The following NIBAN2 variants were observed in gnomAD, a reference collection of about 807,000 sequenced individuals.
NIBAN2 encodes the protein protein Niban 2.
A neutral mutation model predicts 81.8 loss-of-function variants in NIBAN2; 36 were observed. That is an observed-to-expected ratio of 0.44 (90% confidence interval 0.34 to 0.58). The LOEUF (loss-of-function observed/expected upper bound fraction) is 0.58, where lower values mean the gene tolerates loss of function less well. Ranked by LOEUF, NIBAN2 falls within the 20% of genes least tolerant of loss-of-function variation. The pLI is 0.02. For synonymous variants in NIBAN2, 445 were observed against 441.6 expected (o/e 1.01, Z -0.10); for missense variants, 897 against 1,014.1 (o/e 0.88, Z 1.57).
rs1056448921 is a variant in NIBAN2 at position 127,545,320 on chromosome 9, C to T, written c.56-13542G>A. 1.3e-5 allele frequency among the ~76,000 whole-genome samples: 2 copies of T among 152,204 alleles called. No homozygotes were observed. The highest frequency in any genetic ancestry group is 1.3e-4 in the Admixed American group (2 of 15,288). ...CCACAGCCCCTGGCCTGCTCCCCGG[C>T]ACTCCCCTCAACCACAGTTAATGCC... On this transcript the variant is annotated intron_variant, in intron 1 of 13. Coordinates refer to ENST00000373312, the MANE Select transcript of NIBAN2 (RefSeq NM_022833.4). This position sits in a 1 kb window ranked among gnomAD's most constrained non-coding sequence, Gnocchi z 4.7.
intron 1 of NIBAN2, among the ~76,000 whole-genome samples, chr9:127,557,959 C>A (rs1174051426): frequency 6.6e-6 from 1 of 152,174 alleles, no homozygotes; most frequent in African/African-American, 2.4e-5. Flanking sequence ...ACACAGTGAG[C>A]TGTGACTGTC....
intron 1 of NIBAN2, among the ~76,000 whole-genome samples, chr9:127,554,059 G>A (rs185681813): frequency 9.2e-5 from 14 of 152,302 alleles, no homozygotes; most frequent in Admixed American, 9.2e-4. Flanking sequence ...CCATCTCTGG[G>A]CTAAACTACC....
chr9:127,521,970 G>A (rs533784715), intron 5 of NIBAN2, among the ~76,000 whole-genome samples: 4 of 152,320 alleles, frequency 2.6e-5, no homozygotes, highest in East Asian at 1.9e-4. Flanking sequence ...TCCCCACCTT[G>A]TTCTGTGCCC....
chr9:127,577,710 TTTTG>T (rs376947080), intron 1 of NIBAN2, among the ~76,000 whole-genome samples: 4 of 151,856 alleles, frequency 2.6e-5, no homozygotes, highest in African/African-American at 7.3e-5. Context: ...TGCTATATCT[TTTTG>T]TTTGTTTGTT....
At chr9:127,561,028 C>G in intron 1 of NIBAN2, 1 of 761,198 alleles carries the variant, frequency 1.3e-6, no homozygotes, top group Non-Finnish European at 1.6e-6. Context: ...GCTTACAAGT[C>G]TAGTTCTTGA....
Position 127,533,176 on chromosome 9 carries a change from G to A in NIBAN2, c.56-1398C>T, listed in dbSNP as rs376573837. Among the ~76,000 whole-genome samples, 47 of 151,800 alleles carry A rather than the reference G, an allele frequency of 3.1e-4. No individual in the cohort carries two copies. The East Asian group carries it at 7.8e-3, about 25-fold the overall frequency. Reference sequence around the variant, plus strand: ...CTATCTTAAAAAAACAAAACAAAAGGCTGGGCACGGTGGCTTAGGCCTGTA... The same window carrying A: ...CTATCTTAAAAAAACAAAACAAAAGACTGGGCACGGTGGCTTAGGCCTGTA... On this transcript the variant is annotated intron_variant, in intron 1 of 13. Coordinates refer to ENST00000373312, the MANE Select transcript of NIBAN2 (RefSeq NM_022833.4).
rs1016193039 is a variant in NIBAN2, at chr9:127,506,734, C to T, written c.*111G>A. ...TCCCTGGCGGTGCCACACAGCCCTG[C>T]CCCGCCTCCACCCACAAGGCACAGA... is the stretch of plus-strand genomic sequence containing the variant. On this transcript the variant is annotated 3_prime_UTR_variant, in exon 14 of 14. Transcript: ENST00000373312. 3 of 1,002,324 alleles carry T rather than the reference C, an allele frequency of 3.0e-6. No homozygotes were observed. Among genetic ancestry groups the T allele is most frequent in the Admixed American group, 5.9e-5 (2 of 34,052 alleles). The allele number at this position is 1,002,324 out of a possible 1,614,324, so 62.1% of individuals were successfully genotyped here. A position where few individuals can be genotyped will look rare whatever the true frequency, so the allele number is the denominator to read the frequency against.
At chr9:127,561,005 G>C in intron 1 of NIBAN2, 4 of 573,086 alleles carry the variant, frequency 7.0e-6, no homozygotes, top group Non-Finnish European at 8.8e-6. Context: ...TGGTCAATGG[G>C]ACCAGGCTTA....
At chr9:127,525,643 A>G (rs1225226821) in intron 3 of NIBAN2, among the ~76,000 whole-genome samples, 1 of 152,074 alleles carries the variant, frequency 6.6e-6, no homozygotes, top group Non-Finnish European at 1.5e-5. Context: ...TACTGCTGCT[A>G]TTGCCTCTGT....
chr9:127,527,367 G>A (rs374414002), intron 2 of NIBAN2, 45 bp from the exon 3 acceptor site: 20 of 1,567,634 alleles, frequency 1.3e-5, no homozygotes, highest in South Asian at 2.2e-5. Context: ...GTCTGGGGGG[G>A]TGGTGCTCCC....
intron 9 of NIBAN2, 57 bp downstream of exon 9, chr9:127,510,089 G>A: frequency 6.6e-7 from 1 of 1,515,162 alleles, no homozygotes; most frequent in East Asian, 2.3e-5. Flanking sequence ...GGGGCCCTCT[G>A]GGACAGACCA....
At chr9:127,538,733 T>C (rs751267348) in intron 1 of NIBAN2, among the ~76,000 whole-genome samples, 2 of 150,360 alleles carry the variant, frequency 1.3e-5, no homozygotes, top group Non-Finnish European at 3.0e-5. Context: ...TCACTTGAGG[T>C]CAGGAGTTTG....
intron 1 of NIBAN2, among the ~76,000 whole-genome samples, chr9:127,550,824 GA>G (rs1295868935): frequency 2.0e-5 from 3 of 152,206 alleles, no homozygotes; most frequent in Non-Finnish European, 4.4e-5. Context: ...CCTCCTCATG[GA>G]AACTAAGGCG....
At chr9:127,542,225 C>T (rs976113734) in intron 1 of NIBAN2, among the ~76,000 whole-genome samples, 4 of 152,186 alleles carry the variant, frequency 2.6e-5, no homozygotes, top group African/African-American at 9.7e-5. Flanking sequence ...AGGCTGCTCC[C>T]CATGTCCGGA....
chr9:127,536,870 C>T lies in NIBAN2; in HGVS notation c.56-5092G>A, dbSNP rs1017881184. The stretch of plus-strand genomic sequence containing the variant: ...CCTTAGAGGGCAGAGAGGAAACTGG[C>T]TGTGCCCCCATCTACAGAGGCAGGG... On this transcript the variant is annotated intron_variant, in intron 1 of 13. Transcript: ENST00000373312. The surrounding 1 kb of genome is among the most constrained non-coding windows in gnomAD (Gnocchi z 4.0). Among the ~76,000 whole-genome samples the T allele has an allele frequency of 3.0e-4, 46 of 152,350 alleles. No individual in the cohort carries two copies. Among genetic ancestry groups the T allele is most frequent in the African/African-American group, 1.1e-3 (44 of 41,584 alleles).
In NIBAN2 at chr9:127,508,642, C is replaced by G; in HGVS notation, c.1318-104G>C. On this transcript the variant is annotated intron_variant, in intron 10 of 13. Coordinates refer to ENST00000373312, the MANE Select transcript of NIBAN2 (RefSeq NM_022833.4). The surrounding 1 kb of genome is among the most constrained non-coding windows in gnomAD (Gnocchi z 6.4). ...CCTCAACCAGCCCCCCACCCCGAGG[C>G]CTGCCAGGGAGGAATGGCAAGCGGT... The G allele has an allele frequency of 1.0e-6, 1 of 993,646 alleles. No homozygotes were observed. Among genetic ancestry groups the G allele is most frequent in the Non-Finnish European group, 1.6e-6 (1 of 634,236 alleles). The allele number at this position is 993,646 out of a possible 1,614,324, so 61.6% of individuals were successfully genotyped here. A position where few individuals can be genotyped will look rare whatever the true frequency, so the allele number is the denominator to read the frequency against.
chr9:127,511,985 A>G (rs1836745552), intron 8 of NIBAN2, among the ~76,000 whole-genome samples: 1 of 152,212 alleles, frequency 6.6e-6, no homozygotes, highest in Admixed American at 6.5e-5. Context: ...ACCTCCGTAC[A>G]CTGCTGGTGG....
At chr9:127,567,725 C>T (rs924264416) in intron 1 of NIBAN2, among the ~76,000 whole-genome samples, 1 of 152,144 alleles carries the variant, frequency 6.6e-6, no homozygotes, top group African/African-American at 2.4e-5. Context: ...CACTAGACAG[C>T]GAGGGGCGAC....
rs1417854477 is a variant in NIBAN2, at chr9:127,531,909, G to A, written c.56-131C>T. ...GGAATTGTTTGCACAGGCTCCTCGC[G>A]CTCATCTGCGCTGCATTTCTGGCCA... On this transcript the variant is annotated intron_variant, in intron 1 of 13. Coordinates refer to ENST00000373312, the MANE Select transcript of NIBAN2 (RefSeq NM_022833.4). 9.1e-6 allele frequency: 11 copies of A among 1,206,658 alleles called. No homozygotes were observed. In the East Asian group the frequency reaches 1.5e-4, roughly 16 times the overall value. 74.7% of individuals were successfully genotyped at this position (1,206,658 alleles called of 1,614,324 possible).
Sources: allele counts gnomAD v4.1 joint callset (sites outside exome capture counted in the v4.1 genomes callset), GRCh38; gene constraint gnomAD v4.1.1; non-coding constraint Gnocchi (gnomAD v3.1); transcripts MANE v1.5; gene names NCBI Gene and HGNC (gene_info 2026-07-23, HGNC 2026-07-21).